The following WSCD2 variants were observed in gnomAD, a reference collection of about 807,000 sequenced individuals.
WSCD2 encodes WSC domain sialate O sulfotransferase 2.
WSCD2 carries 28 observed loss-of-function variants against 55.7 expected under a neutral mutation model. The ratio of observed to expected loss-of-function variants is 0.50; its 90% CI spans 0.37 to 0.69. The LOEUF (loss-of-function observed/expected upper bound fraction) is 0.69, where lower values mean the gene tolerates loss of function less well. Among genes scored for constraint, WSCD2 ranks in the 30% least tolerant of loss-of-function variants. The probability of loss-of-function intolerance (pLI) is 0.00; values close to 1 mark genes in which losing one functional copy is unlikely to be tolerated. For missense variants in WSCD2, 616 were observed against 762.1 expected (o/e 0.81, Z 2.26); for synonymous variants, 301 against 301.9 (o/e 1.00, Z 0.03).
intron 4 of WSCD2, 86 bp from the exon 5 acceptor site, chr12:108,224,652 TC>T (rs1887884189): frequency 6.5e-7 from 1 of 1,528,520 alleles, no homozygotes; most frequent in Admixed American, 1.9e-5. Flanking sequence ...ACTCTTGCCT[TC>T]TCTGAGCTTT....
chr12:108,191,313 T>C (rs1456601672), intron 1 of WSCD2, among the ~76,000 whole-genome samples: 1 of 152,172 alleles, frequency 6.6e-6, no homozygotes, highest in Admixed American at 6.5e-5. Flanking sequence ...GAGGCAGAAT[T>C]TCTCTCTGGA....
At chr12:108,186,737 T>C (rs1296295152) in intron 1 of WSCD2, among the ~76,000 whole-genome samples, 2 of 152,226 alleles carry the variant, frequency 1.3e-5, no homozygotes, top group Non-Finnish European at 2.9e-5. Flanking sequence ...TGAGCATGAT[T>C]GCTGGATCGT....
intron 1 of WSCD2, among the ~76,000 whole-genome samples, chr12:108,183,965 C>A (rs1049549303): frequency 1.3e-5 from 2 of 152,158 alleles, no homozygotes; most frequent in African/African-American, 4.8e-5. Context: ...CATGGAAGGG[C>A]CTGGCACATA....
intron 1 of WSCD2, among the ~76,000 whole-genome samples, chr12:108,153,052 G>A (rs1384315296): frequency 1.3e-5 from 2 of 151,686 alleles, no homozygotes; most frequent in African/African-American, 4.8e-5. Context: ...GCAGTGAGCC[G>A]AGATCACACC....
At chr12:108,193,230 T>C (rs891108920) in intron 1 of WSCD2, among the ~76,000 whole-genome samples, 3 of 152,244 alleles carry the variant, frequency 2.0e-5, no homozygotes. Context: ...ACATTAACTA[T>C]AATATTGATT....
chr12:108,153,037 A>T (rs995557362), intron 1 of WSCD2, among the ~76,000 whole-genome samples: 15 of 152,032 alleles, frequency 9.9e-5, no homozygotes, highest in Non-Finnish European at 1.9e-4. Flanking sequence ...CTGGAGGCAG[A>T]GGTTGCAGTG....
intron 1 of WSCD2, among the ~76,000 whole-genome samples, chr12:108,188,314 C>G (rs954768070): frequency 2.0e-5 from 3 of 152,064 alleles, no homozygotes; most frequent in African/African-American, 4.8e-5. Context: ...CCTGGTGAAG[C>G]TTTCCTGGTG....
chr12:108,202,527 A>G (rs1394227461), intron 2 of WSCD2, among the ~76,000 whole-genome samples: 3 of 152,206 alleles, frequency 2.0e-5, no homozygotes, highest in African/African-American at 7.2e-5. Context: ...GCTTATAAAA[A>G]AAGAATAAGA....
At chr12:108,171,455 A>G (rs2136969109) in intron 1 of WSCD2, among the ~76,000 whole-genome samples, 1 of 152,370 alleles carries the variant, frequency 6.6e-6, no homozygotes, top group Admixed American at 6.5e-5. Context: ...TGTGCTGGAC[A>G]TGTGAAATAC....
intron 8 of WSCD2, among the ~76,000 whole-genome samples, chr12:108,243,648 C>A (rs1051462505): frequency 9.9e-5 from 15 of 152,230 alleles, no homozygotes; most frequent in African/African-American, 3.6e-4. Context: ...GCAACATGGA[C>A]ATCACCTGGG....
chr12:108,248,143 G>C lies in WSCD2; in HGVS notation c.1498G>C (p.Val500Leu), dbSNP rs41314115. ...QLGRMVSLLG[V>L]AVREDRLLCV... ...GGGCCGGATGGTCAGCCTGCTGGGC[G>C]TGGCTGTCAGGGAGGACCGGCTGCT... Residue 500 changes from valine (V) to leucine (L), a missense_variant, in exon 9 of 9, where the codon GTG becomes CTG. By Grantham distance (32) the Val-to-Leu change is conservative. Around this residue, in one of 3 missense-constraint regions of WSCD2, gnomAD observed 234 missense variants for 264.6 expected, o/e 0.88. Coordinates refer to ENST00000547525, the MANE Select transcript of WSCD2 (RefSeq NM_014653.4). This position sits in a 1 kb window ranked among gnomAD's most constrained non-coding sequence, Gnocchi z 4.3. 2 of 1,614,212 alleles carry C rather than the reference G, an allele frequency of 1.2e-6. No homozygotes were observed. Among genetic ancestry groups the C allele is most frequent in the Non-Finnish European group, 1.7e-6 (2 of 1,180,030 alleles).
rs1207051893 is a variant in WSCD2 at position 108,211,687 on chromosome 12, A to T, written c.682+1382A>T. Among the ~76,000 whole-genome samples, 3 of 149,734 alleles carry T rather than the reference A, an allele frequency of 2.0e-5. No homozygotes were observed. In the South Asian group the frequency reaches 6.3e-4, roughly 32 times the overall value. On this transcript the variant is annotated intron_variant, in intron 4 of 8. Transcript: ENST00000547525. ...TATATTTTTTGAGACAGAGCCTCAC[A>T]CTGTTGCCCAGGCTGGAGTGCAATG...
intron 1 of WSCD2, among the ~76,000 whole-genome samples, chr12:108,162,649 G>A (rs10778610): frequency 0.25 from 37,481 of 152,060 alleles, 5,294 homozygotes; most frequent in East Asian, 0.66. Context: ...CCTGGGGAGA[G>A]GAACAGGGCT....
intron 1 of WSCD2, among the ~76,000 whole-genome samples, chr12:108,148,851 T>G (rs1302908724): frequency 3.9e-5 from 6 of 152,200 alleles, no homozygotes; most frequent in Non-Finnish European, 7.3e-5. Context: ...TCATCCCATT[T>G]TTACAAATGA....
At chr12:108,160,629 C>A (rs1464571848) in intron 1 of WSCD2, among the ~76,000 whole-genome samples, 3 of 152,170 alleles carry the variant, frequency 2.0e-5, no homozygotes, top group Non-Finnish European at 4.4e-5. Context: ...CCCCATGATC[C>A]AATCACCTCT....
In WSCD2 at chr12:108,235,027, C is replaced by G. The variant is rs371983359; in HGVS notation, c.1144+2132C>G. On this transcript the variant is annotated intron_variant, in intron 7 of 8. Coordinates refer to ENST00000547525, the MANE Select transcript of WSCD2 (RefSeq NM_014653.4). Reference sequence around the variant, plus strand: ...TTCGCCATCTGATCTAACTCAACCTCCTAACTTCAGAGAAGAAGAAATGGA... The same window carrying G: ...TTCGCCATCTGATCTAACTCAACCTGCTAACTTCAGAGAAGAAGAAATGGA... Among the ~76,000 whole-genome samples, 11 of 152,180 alleles carry G rather than the reference C, an allele frequency of 7.2e-5. No individual in the cohort carries two copies. The East Asian group carries it at 1.7e-3, about 24-fold the overall frequency.
chr12:108,138,502 G>T (rs1361406929), intron 1 of WSCD2, among the ~76,000 whole-genome samples: 1 of 152,126 alleles, frequency 6.6e-6, no homozygotes, highest in Non-Finnish European at 1.5e-5. Context: ...CTGTAAAATG[G>T]CAATAATACC....
At position 108,129,733 on chromosome 12, in the gene WSCD2, C is replaced by T. The variant is rs1592851480; in HGVS notation, c.-745C>T. On this transcript the variant is annotated 5_prime_UTR_variant, in exon 1 of 9. Transcript: ENST00000547525. Reference sequence around the variant, plus strand: ...CCTTGAGCCAGACCTGGAGAAATAGCCCCAGGGCCCGGCAGGAGGAGCCTT... The same window carrying T: ...CCTTGAGCCAGACCTGGAGAAATAGTCCCAGGGCCCGGCAGGAGGAGCCTT... 1 of 152,338 alleles carries T rather than the reference C, an allele frequency of 6.6e-6. No individual in the cohort carries two copies. Among genetic ancestry groups the T allele is most frequent in the Non-Finnish European group, 1.5e-5 (1 of 68,126 alleles). The allele number at this position is 152,338 out of a possible 1,614,324, so 9.4% of individuals were successfully genotyped here.
At chr12:108,145,922 A>C (rs1182670309) in intron 1 of WSCD2, among the ~76,000 whole-genome samples, 1 of 152,226 alleles carries the variant, frequency 6.6e-6, no homozygotes, top group Non-Finnish European at 1.5e-5. Flanking sequence ...GAGAAGCTAA[A>C]CTACATTATA....
Sources: gnomAD v4.1 joint callset for allele counts (sites outside exome capture counted in the v4.1 genomes callset) on GRCh38, gnomAD v4.1.1 for gene constraint, gnomAD v4.1.1 regional missense constraint, Gnocchi (gnomAD v3.1) non-coding constraint, MANE v1.5 for transcripts, NCBI Gene and HGNC (gene_info 2026-07-23, HGNC 2026-07-21) for gene names.